The following ADAM7 variants were observed in gnomAD, a reference collection of about 807,000 sequenced individuals.
The protein encoded by ADAM7 is disintegrin and metalloproteinase domain-containing protein 7.
In ADAM7, 97 loss-of-function variants were observed where a neutral mutation model predicts 102.9. The ratio of observed to expected loss-of-function variants is 0.94; its 90% CI spans 0.80 to 1.12. ADAM7 has a LOEUF of 1.12. Ranked by LOEUF, ADAM7 falls within the 50% of genes most tolerant of loss-of-function variation. ADAM7 has a pLI of 0.00. For missense variants in ADAM7, 991 were observed against 908.7 expected, an observed-to-expected ratio of 1.09 and a Z score of -1.16; for synonymous variants, 334 against 304.4, an observed-to-expected ratio of 1.10 and a Z score of -1.01.
intron 10 of ADAM7, among the ~76,000 whole-genome samples, chr8:24,486,542 A>G (rs1045453995): frequency 2.0e-5 from 3 of 152,160 alleles, no homozygotes; most frequent in Admixed American, 2.0e-4. Context: ...AGCTCATTCT[A>G]GCTGCTGTAA....
Position 24,442,586 on chromosome 8 carries a change from T to C in ADAM7, c.156+10T>C. The C allele has an allele frequency of 6.2e-7, 1 of 1,600,598 alleles. No individual in the cohort carries two copies. Among genetic ancestry groups the C allele is most frequent in the Non-Finnish European group, 8.6e-7 (1 of 1,167,716 alleles). Reference sequence around the variant, plus strand: ...TGATGATGACATACTGGTACAAGTTTTGATTTAGTAAATAAGATTTGTTGC... The same window carrying C: ...TGATGATGACATACTGGTACAAGTTCTGATTTAGTAAATAAGATTTGTTGC... On this transcript the variant is annotated intron_variant, in intron 2 of 21. Coordinates refer to ENST00000175238, the MANE Select transcript of ADAM7 (RefSeq NM_003817.4).
intron 10 of ADAM7, among the ~76,000 whole-genome samples, chr8:24,485,876 C>A (rs1820126227): frequency 6.6e-6 from 1 of 152,106 alleles, no homozygotes; most frequent in Non-Finnish European, 1.5e-5. Context: ...CAAGTAACCC[C>A]ATCTGAGAGA....
chr8:24,451,354 T>C (rs1200141309), intron 3 of ADAM7, among the ~76,000 whole-genome samples: 4 of 152,202 alleles, frequency 2.6e-5, no homozygotes, highest in Non-Finnish European at 4.4e-5. Context: ...TTCAGAGATT[T>C]GACTTCTTCC....
intron 10 of ADAM7, 43 bp downstream of exon 10, chr8:24,485,404 A>T: frequency 1.9e-6 from 3 of 1,564,530 alleles, no homozygotes; most frequent in Non-Finnish European, 1.8e-6. Flanking sequence ...TGTTTGAATA[A>T]AATTGTTGTA....
At chr8:24,470,796 T>G (rs1454245411) in intron 7 of ADAM7, among the ~76,000 whole-genome samples, 1 of 152,186 alleles carries the variant, frequency 6.6e-6, no homozygotes, top group Non-Finnish European at 1.5e-5. Flanking sequence ...AAAAAACAAC[T>G]ATGTTACTGG....
chr8:24,454,864 T>C (rs1006460382), intron 3 of ADAM7, among the ~76,000 whole-genome samples: 5 of 152,148 alleles, frequency 3.3e-5, no homozygotes, highest in African/African-American at 1.2e-4. Context: ...TGTTGAGAAA[T>C]AGCGATGAAT....
chr8:24,499,836 T>TCACA (rs113407082), intron 17 of ADAM7, among the ~76,000 whole-genome samples: 1 of 140,858 alleles, frequency 7.1e-6, no homozygotes, highest in Non-Finnish European at 1.6e-5. Flanking sequence ...ACATCACACA[T>TCACA]CACACACACA....
chr8:24,492,514 T>C lies in ADAM7; in HGVS notation c.1572T>C (p.Asp524=). 2 of 1,611,048 alleles carry C rather than the reference T, an allele frequency of 1.2e-6. No individual in the cohort carries two copies. Among genetic ancestry groups the C allele is most frequent in the African/African-American group, 1.3e-5 (1 of 74,952 alleles). Residue 524 remains aspartate (D), a synonymous_variant, in exon 15 of 22, where the codon GAT becomes GAC. Transcript: ENST00000175238. ...CCCCAGAGGCAATAGAGAGTCATGATATCTGCTACAAGATGAATACAAAAG... is the reference window on the plus strand; with the variant it reads ...CCCCAGAGGCAATAGAGAGTCATGACATCTGCTACAAGATGAATACAAAAG... ...LFDDEAIESH[D]ICYKMNTKGN... is the part of the protein sequence containing the mutation.
At chr8:24,489,124 G>A in intron 11 of ADAM7, 35 bp from the exon 12 acceptor site, 1 of 1,573,292 alleles carries the variant, frequency 6.4e-7, no homozygotes, top group Middle Eastern at 1.7e-4. Context: ...GCATTGATAT[G>A]ATTAATCTTT....
At chr8:24,442,897 C>A (rs974102058) in intron 2 of ADAM7, among the ~76,000 whole-genome samples, 2 of 152,112 alleles carry the variant, frequency 1.3e-5, no homozygotes, top group African/African-American at 2.4e-5. Flanking sequence ...ATGTTACTTT[C>A]CCAGAGGTCT....
intron 7 of ADAM7, among the ~76,000 whole-genome samples, chr8:24,470,660 C>T (rs981676312): frequency 6.6e-6 from 1 of 152,092 alleles, no homozygotes; most frequent in African/African-American, 2.4e-5. Flanking sequence ...GCCATCATAA[C>T]GTTACAGCAC....
At chr8:24,451,032 T>C (rs79608252) in intron 3 of ADAM7, among the ~76,000 whole-genome samples, 42,835 of 151,596 alleles carry the variant, frequency 0.28, 6,597 homozygotes, top group South Asian at 0.39. Context: ...CTTTTTGATG[T>C]GCTGCTGGAT....
intron 3 of ADAM7, among the ~76,000 whole-genome samples, chr8:24,452,856 A>T (rs1160511105): frequency 1.3e-5 from 2 of 150,858 alleles, no homozygotes; most frequent in Non-Finnish European, 2.9e-5. Flanking sequence ...GTGGTGACAA[A>T]ATCTCTCAGC....
rs551357537 is a variant in ADAM7 at position 24,477,658 on chromosome 8, T to A, written c.705+1154T>A. The stretch of plus-strand genomic sequence containing the variant: ...GTGATTTGCTGTTTTATACTATTTT[T>A]AAAAATTATTGATCATTCAAATATT... On this transcript the variant is annotated intron_variant, in intron 8 of 21. Coordinates refer to ENST00000175238, the MANE Select transcript of ADAM7 (RefSeq NM_003817.4). 2.6e-5 allele frequency among the ~76,000 whole-genome samples: 4 copies of A among 152,130 alleles called. No individual in the cohort carries two copies. The East Asian group carries it at 7.7e-4, about 29-fold the overall frequency.
At chr8:24,497,358 G>T (rs1409764306) in intron 16 of ADAM7, among the ~76,000 whole-genome samples, 1 of 152,026 alleles carries the variant, frequency 6.6e-6, no homozygotes, top group Non-Finnish European at 1.5e-5. Context: ...AAAATTTTTT[G>T]AATGAAATTT....
At chr8:24,456,322 C>T (rs766595396) in intron 3 of ADAM7, among the ~76,000 whole-genome samples, 1 of 152,124 alleles carries the variant, frequency 6.6e-6, no homozygotes, top group African/African-American at 2.4e-5. Flanking sequence ...ATTTTAAGGC[C>T]GAACATTATT....
At chr8:24,506,042 T>C in intron 20 of ADAM7, 1 of 1,311,334 alleles carries the variant, frequency 7.6e-7, no homozygotes, top group South Asian at 1.3e-5. Flanking sequence ...TCTTTCAGTA[T>C]TGGTATATTT....
In ADAM7 at chr8:24,482,262, G is replaced by C; in HGVS notation, c.826G>C (p.Glu276Gln). Reference sequence around the variant, plus strand: ...CTTATTGCGTTTTTCATTTTGGCAAGAAAAGATCCTTAAAACACGGAAGGA... The same window carrying C: ...CTTATTGCGTTTTTCATTTTGGCAACAAAAGATCCTTAAAACACGGAAGGA... ...TTLLRFSFWQ[E>Q]KILKTRKDFD... Residue 276 changes from glutamate to glutamine, a missense_variant, in exon 9 of 22, where the codon GAA (glutamate) becomes CAA (glutamine). Glu to Gln is a conservative substitution (Grantham distance 29). Coordinates refer to ENST00000175238, the MANE Select transcript of ADAM7 (RefSeq NM_003817.4). 1 of 1,611,032 alleles carries C rather than the reference G, an allele frequency of 6.2e-7. No individual in the cohort carries two copies. Among genetic ancestry groups the C allele is most frequent in the Non-Finnish European group, 8.5e-7 (1 of 1,179,088 alleles).
At position 24,508,688 on chromosome 8, in the gene ADAM7, T is replaced by G; in HGVS notation, c.*142T>G. On this transcript the variant is annotated 3_prime_UTR_variant, in exon 22 of 22. Transcript: ENST00000175238. ...GTTCTTTATCCAGACAGACAATGTT[T>G]AAGAGAAACAACTTATTTCTGTTAA... is the stretch of plus-strand genomic sequence containing the variant. 5 of 1,502,546 alleles carry G rather than the reference T, an allele frequency of 3.3e-6. No homozygotes were observed. Among genetic ancestry groups the G allele is most frequent in the Non-Finnish European group, 4.5e-6 (5 of 1,120,480 alleles). The allele number at this position is 1,502,546 out of a possible 1,614,324, so 93.1% of individuals were successfully genotyped here. A position where few individuals can be genotyped will look rare whatever the true frequency, so the allele number is the denominator to read the frequency against.
Sources: gnomAD v4.1 joint callset for allele counts (sites outside exome capture counted in the v4.1 genomes callset) on GRCh38, gnomAD v4.1.1 for gene constraint, MANE v1.5 for transcripts, NCBI Gene and HGNC (gene_info 2026-07-23, HGNC 2026-07-21) for gene names.